NLGN4X: variants seen among roughly 807,000 people sequenced by gnomAD.
The protein encoded by NLGN4X is neuroligin 4 X-linked.
Under a neutral mutation model 40.3 loss-of-function variants are expected in NLGN4X, and 3 were observed. The ratio of observed to expected loss-of-function variants is 0.07; its 90% CI spans 0.03 to 0.19. NLGN4X has a LOEUF of 0.19. Among genes scored for constraint, NLGN4X ranks in the 10% least tolerant of loss-of-function variants. The pLI, the probability that NLGN4X is intolerant of heterozygous loss-of-function variation, is 1.00. For missense variants in NLGN4X, 382 were observed against 708.3 expected, an observed-to-expected ratio of 0.54 and a Z score of 5.23; for synonymous variants, 270 against 306.8, an observed-to-expected ratio of 0.88 and a Z score of 1.25.
intron 2 of NLGN4X, among the ~76,000 whole-genome samples, chrX:6,088,318 C>T (rs977706252): frequency 8.9e-6 from 1 of 112,081 alleles, no homozygotes; most frequent in Non-Finnish European, 1.9e-5. Context: ...TCATGGTCCA[C>T]GGCTAGAGCC....
chrX:5,932,517 G>A (rs1320102128), intron 3 of NLGN4X, among the ~76,000 whole-genome samples: 6 of 111,635 alleles, frequency 5.4e-5, no homozygotes, highest in Non-Finnish European at 1.1e-4. Flanking sequence ...AATTACAATA[G>A]ACAAAATAAA....
At chrX:5,913,175 G>A (rs1479532843) in intron 3 of NLGN4X, among the ~76,000 whole-genome samples, 1 of 111,405 alleles carries the variant, frequency 9.0e-6, no homozygotes, top group Non-Finnish European at 1.9e-5. Flanking sequence ...AATTCTAATG[G>A]TGTGATTTTT....
chrX:5,909,646 T>TGGG (rs113524335), intron 3 of NLGN4X, among the ~76,000 whole-genome samples: 3 of 73,520 alleles, frequency 4.1e-5, no homozygotes, highest in African/African-American at 1.5e-4. Context: ...AGTACGTGTG[T>TGGG]GGGGGGGGGA....
At chrX:6,084,019 C>A (rs1023495012) in intron 2 of NLGN4X, among the ~76,000 whole-genome samples, 7 of 111,711 alleles carry the variant, frequency 6.3e-5, no homozygotes, top group African/African-American at 2.3e-4. Context: ...AAGAACAAAT[C>A]CTAGGAAAAG....
intron 2 of NLGN4X, among the ~76,000 whole-genome samples, chrX:6,142,246 A>G (rs2039963204): frequency 8.9e-6 from 1 of 112,341 alleles, no homozygotes; most frequent in African/African-American, 3.2e-5. Flanking sequence ...TCAAACAGGC[A>G]TAATTCATAC....
chrX:6,054,463 T>C (rs1004453170), intron 2 of NLGN4X, among the ~76,000 whole-genome samples: 1 of 109,647 alleles, frequency 9.1e-6, no homozygotes, highest in Non-Finnish European at 1.9e-5. Context: ...AAAATAAAAA[T>C]AGAAAAATTA....
chrX:6,228,465 C>A (rs1926571087), intron 1 of NLGN4X, 76 bp downstream of exon 1: 1 of 112,110 alleles, frequency 8.9e-6, no homozygotes, highest in Admixed American at 9.5e-5. Flanking sequence ...CCATCCTTTG[C>A]TGCAAGTCAA....
intron 3 of NLGN4X, among the ~76,000 whole-genome samples, chrX:5,931,209 A>G (rs747585779): frequency 8.9e-6 from 1 of 111,874 alleles, no homozygotes; most frequent in East Asian, 2.8e-4. Context: ...AAAATACTCA[A>G]AGAAGTTCTA....
chrX:6,221,499 G>A (rs943269770), intron 1 of NLGN4X, among the ~76,000 whole-genome samples: 1 of 102,859 alleles, frequency 9.7e-6, no homozygotes, highest in Non-Finnish European at 2.0e-5. Flanking sequence ...CCTAGTTAAT[G>A]TGTTAGCATA....
At chrX:5,931,885 G>A (rs1202155842) in intron 3 of NLGN4X, among the ~76,000 whole-genome samples, 1 of 111,601 alleles carries the variant, frequency 9.0e-6, no homozygotes, top group East Asian at 2.8e-4. Flanking sequence ...GGTGGAAGTG[G>A]TAATAGAAAG....
chrX:6,130,860 C>A (rs1196539172), intron 2 of NLGN4X, among the ~76,000 whole-genome samples: 15 of 111,761 alleles, frequency 1.3e-4, no homozygotes. Context: ...ATGGTGCATT[C>A]TTTAGAGTAT....
In NLGN4X at chrX:6,178,519, C is replaced by A. The variant is rs187314121; in HGVS notation, c.-305-26748G>T. 9.7e-4 allele frequency among the ~76,000 whole-genome samples: 109 copies of A among 112,321 alleles called. 2 individuals carry two copies. The Middle Eastern group carries it at 0.028, about 28-fold the overall frequency. ...TTCCAACAACTACTTCACTTCTTCACACTGTTTCTACCACTGGAAAGTGGG... is the reference window on the plus strand; with the variant it reads ...TTCCAACAACTACTTCACTTCTTCAAACTGTTTCTACCACTGGAAAGTGGG... On this transcript the variant is annotated intron_variant, in intron 1 of 5. Coordinates refer to ENST00000381095, the MANE Select transcript of NLGN4X (RefSeq NM_181332.3).
chrX:6,025,828 C>T (rs1237526817), intron 3 of NLGN4X, among the ~76,000 whole-genome samples: 2 of 106,525 alleles, frequency 1.9e-5, no homozygotes, highest in African/African-American at 3.5e-5. Context: ...CGCTTGGACC[C>T]GGGAGGCAGA....
At chrX:5,895,825 T>C (rs749772069) in intron 5 of NLGN4X, among the ~76,000 whole-genome samples, 2 of 111,811 alleles carry the variant, frequency 1.8e-5, no homozygotes, top group South Asian at 7.3e-4. Context: ...AGTCTTCTGC[T>C]TTTTTTATTT....
chrX:5,958,551 G>A lies in NLGN4X; in HGVS notation c.626-49312C>T, dbSNP rs2034566468. Among the ~76,000 whole-genome samples, 4 of 111,609 alleles carry A rather than the reference G, an allele frequency of 3.6e-5. No homozygotes were observed. The Admixed American group carries it at 3.8e-4, about 11-fold the overall frequency. On this transcript the variant is annotated intron_variant, in intron 3 of 5. Coordinates refer to ENST00000381095, the MANE Select transcript of NLGN4X (RefSeq NM_181332.3). ...GTGGCTTTTGCAGACCACCTGAAAT[G>A]CTTGACATATTACTGAAATAAGGTG...
chrX:6,055,261 T>C (rs1465578991), intron 2 of NLGN4X, among the ~76,000 whole-genome samples: 1 of 112,131 alleles, frequency 8.9e-6, no homozygotes, highest in Admixed American at 9.5e-5. Flanking sequence ...TTGGAAGGCC[T>C]AGCCGGGAGG....
At chrX:6,117,051 C>G (rs751166937) in intron 2 of NLGN4X, among the ~76,000 whole-genome samples, 4 of 111,240 alleles carry the variant, frequency 3.6e-5, no homozygotes, top group South Asian at 3.8e-4. Flanking sequence ...CAACAATGCA[C>G]TAATGGGATT....
chrX:6,067,615 A>T (rs1205415516), intron 2 of NLGN4X, among the ~76,000 whole-genome samples: 2 of 111,694 alleles, frequency 1.8e-5, no homozygotes, highest in African/African-American at 6.5e-5. Context: ...GGAGAAGTCC[A>T]GGTTCCAGGT....
In NLGN4X at chrX:5,930,050, T is replaced by C. The variant is rs779825993; in HGVS notation, c.626-20811A>G. Reference sequence around the variant, plus strand: ...AGAGTCACCTCTCATAGGAGGGTCTTATGACCTGGCTTTAGGGGAGAAGGA... The same window carrying C: ...AGAGTCACCTCTCATAGGAGGGTCTCATGACCTGGCTTTAGGGGAGAAGGA... On this transcript the variant is annotated intron_variant, in intron 3 of 5. Coordinates refer to ENST00000381095, the MANE Select transcript of NLGN4X (RefSeq NM_181332.3). Among the ~76,000 whole-genome samples the C allele has an allele frequency of 4.5e-5, 5 of 112,148 alleles. No homozygotes were observed. The South Asian group carries it at 1.1e-3, about 25-fold the overall frequency.
Sources: gnomAD v4.1 joint callset for allele counts (sites outside exome capture counted in the v4.1 genomes callset) on GRCh38, gnomAD v4.1.1 for gene constraint, MANE v1.5 for transcripts, NCBI Gene and HGNC (gene_info 2026-07-23, HGNC 2026-07-21) for gene names.